CUBN: variants seen among roughly 807,000 people sequenced by gnomAD.
CUBN encodes cubilin.
CUBN carries 282 observed loss-of-function variants against 405.3 expected under a neutral mutation model. The observed-to-expected ratio is 0.70, with a 90% CI of 0.63 to 0.77. The LOEUF (loss-of-function observed/expected upper bound fraction) is 0.77. Among genes scored for constraint, CUBN ranks in the 30% least tolerant of loss-of-function variants. The pLI is 0.00. For synonymous variants in CUBN, 1,684 were observed against 1,617.0 expected (o/e 1.04, Z -0.99); for missense variants, 4,514 against 4,475.2 (o/e 1.01, Z -0.25).
chr10:16,886,989 T>C (rs1840839669), intron 56 of CUBN, among the ~76,000 whole-genome samples: 1 of 152,178 alleles, frequency 6.6e-6, no homozygotes, highest in South Asian at 2.1e-4. Flanking sequence ...GGTTTCTCCA[T>C]GTTGGTCAGG....
chr10:17,091,607 A>C (rs1024717115), intron 14 of CUBN, among the ~76,000 whole-genome samples: 14 of 152,332 alleles, frequency 9.2e-5, no homozygotes, highest in East Asian at 7.7e-4. Flanking sequence ...ACTGAACCTA[A>C]AGAATGCTAA....
rs184216049 is a variant in CUBN at position 16,972,678 on chromosome 10, G to A, written c.4695+9806C>T. 4.3e-3 allele frequency among the ~76,000 whole-genome samples: 648 copies of A among 151,646 alleles called. 6 individuals carry two copies. Among genetic ancestry groups the A allele is most frequent in the African/African-American group, 0.015 (614 of 41,362 alleles). ...TGAGCTCAAACAATTCTCCTGTCTC[G>A]GCCTCCCAAAGTGCTGGAATTACAG... is the stretch of plus-strand genomic sequence containing the variant. On this transcript the variant is annotated intron_variant, in intron 31 of 66. Coordinates refer to ENST00000377833, the MANE Select transcript of CUBN (RefSeq NM_001081.4).
chr10:17,074,846 G>A (rs1378747260), intron 17 of CUBN, among the ~76,000 whole-genome samples: 1 of 151,982 alleles, frequency 6.6e-6, no homozygotes, highest in Non-Finnish European at 1.5e-5. Flanking sequence ...TAAATATAAT[G>A]TGTCTAGTGG....
At chr10:16,911,332 G>A (rs550469397) in intron 48 of CUBN, among the ~76,000 whole-genome samples, 5 of 152,274 alleles carry the variant, frequency 3.3e-5, no homozygotes, top group African/African-American at 7.2e-5. Context: ...AAGCAAAAGC[G>A]TGACATACGT....
At chr10:17,089,317 T>TA (rs1836198482) in intron 14 of CUBN, among the ~76,000 whole-genome samples, 1 of 152,176 alleles carries the variant, frequency 6.6e-6, no homozygotes, top group South Asian at 2.1e-4. Context: ...CTTTAAAAGT[T>TA]ACCAGTTTTA....
chr10:17,088,187 C>T lies in CUBN; in HGVS notation c.1924G>A (p.Asp642Asn), dbSNP rs771587254. Residue 642 changes from aspartate to asparagine, a missense_variant, in exon 15 of 67, where the codon GAC becomes AAC. Physicochemically the swap from Asp to Asn is conservative, Grantham distance 23 (BLOSUM62 1). Coordinates refer to ENST00000377833, the MANE Select transcript of CUBN (RefSeq NM_001081.4). ...ACCTCAAGGTAATCTTTGTTGCAGTCATCATGGTGCTCGAGGCTCAAGGTC... is the reference window on the plus strand; with the variant it reads ...ACCTCAAGGTAATCTTTGTTGCAGTTATCATGGTGCTCGAGGCTCAAGGTC... ...FGTLSLEHHD[D>N]CNKDYLEIRD... The T allele has an allele frequency of 1.2e-6, 2 of 1,613,284 alleles. No individual in the cohort carries two copies. The highest frequency in any genetic ancestry group is 2.7e-5 in the African/African-American group (2 of 74,874).
Position 16,948,497 on chromosome 10 carries a change from C to T in CUBN, c.5190G>A (p.Thr1730=), listed in dbSNP as rs779056271. The change falls in exon 35 of 67, where the codon ACG becomes ACA. Residue 1730 remains threonine, a synonymous_variant. Coordinates refer to ENST00000377833, the MANE Select transcript of CUBN (RefSeq NM_001081.4). The part of the protein sequence containing the change: ...SSISAGGFHT[T]VTASVSACGG... ...TCTTACCCGACACTGATGCGGTGAC[C>T]GTGGTGTGGAAACCCCCAGCACTGA... 14 of 1,613,898 alleles carry T rather than the reference C, an allele frequency of 8.7e-6. No homozygotes were observed. In the East Asian group the frequency reaches 8.9e-5, roughly 10 times the overall value.
chr10:16,897,828 A>C (rs1286981688), intron 54 of CUBN, among the ~76,000 whole-genome samples: 1 of 152,038 alleles, frequency 6.6e-6, no homozygotes, highest in African/African-American at 2.4e-5. Flanking sequence ...AGGGTTCCTA[A>C]TACATCCCAC....
chr10:17,121,123 T>C (rs1837030919), intron 6 of CUBN, among the ~76,000 whole-genome samples: 1 of 152,168 alleles, frequency 6.6e-6, no homozygotes, highest in East Asian at 1.9e-4. Flanking sequence ...ATCAAAAAGC[T>C]CTTTAATAAC....
intron 17 of CUBN, among the ~76,000 whole-genome samples, chr10:17,079,866 A>C (rs1382450007): frequency 6.6e-6 from 1 of 152,144 alleles, no homozygotes; most frequent in African/African-American, 2.4e-5. Context: ...TCACAAAAGG[A>C]GGTCCTTTGT....
At position 17,084,522 on chromosome 10, in the gene CUBN, T is replaced by C. The variant is rs1836057878; in HGVS notation, c.2111-61A>G. On this transcript the variant is annotated intron_variant, in intron 16 of 66. Transcript: ENST00000377833. The stretch of plus-strand genomic sequence containing the variant: ...TGGCATTGCTCTGGCTTGCAGGCAT[T>C]GGATCCAATTTCTAAAAATTTACCC... The C allele has an allele frequency of 7.6e-6, 11 of 1,447,062 alleles. No individual in the cohort carries two copies. The South Asian group carries it at 1.1e-4, about 14-fold the overall frequency. The allele number at this position is 1,447,062 out of a possible 1,614,324, so 89.6% of individuals were successfully genotyped here.
chr10:17,116,086 T>A (rs182247433), intron 6 of CUBN, among the ~76,000 whole-genome samples: 2 of 152,340 alleles, frequency 1.3e-5, no homozygotes, highest in East Asian at 3.9e-4. Flanking sequence ...ATGATCATTA[T>A]TATTATCTTA....
At chr10:17,044,159 T>G (rs1012085363) in intron 25 of CUBN, among the ~76,000 whole-genome samples, 176 bp from the exon 26 acceptor site, 11 of 146,914 alleles carry the variant, frequency 7.5e-5, no homozygotes, top group Non-Finnish European at 1.3e-4. Flanking sequence ...TATAATATAT[T>G]TATAAAATAA....
At chr10:17,003,544 A>G (rs911567221) in intron 28 of CUBN, among the ~76,000 whole-genome samples, 4 of 152,202 alleles carry the variant, frequency 2.6e-5, no homozygotes, top group Non-Finnish European at 5.9e-5. Flanking sequence ...TTTTTCGTTC[A>G]ACAAAAGTTT....
intron 28 of CUBN, among the ~76,000 whole-genome samples, chr10:17,000,228 G>A (rs1041937657): frequency 5.9e-5 from 9 of 152,176 alleles, no homozygotes; most frequent in Admixed American, 1.3e-4. Context: ...TCTCCCTCTT[G>A]TAAGCGAGTT....
intron 13 of CUBN, among the ~76,000 whole-genome samples, chr10:17,100,961 C>A (rs1836481022): frequency 6.6e-6 from 1 of 152,128 alleles, no homozygotes; most frequent in South Asian, 2.1e-4. Flanking sequence ...ATACAGACTT[C>A]AAATATAGTA....
chr10:17,127,016 T>C (rs1444334747), intron 3 of CUBN, among the ~76,000 whole-genome samples: 1 of 152,182 alleles, frequency 6.6e-6, no homozygotes, highest in East Asian at 1.9e-4. Context: ...TTTTAAGTTT[T>C]TTTTTAAAGT....
chr10:16,891,067 A>G (rs1840990037), intron 54 of CUBN, among the ~76,000 whole-genome samples: 1 of 152,226 alleles, frequency 6.6e-6, no homozygotes, highest in Non-Finnish European at 1.5e-5. Context: ...CATTTTGATG[A>G]AAAGCTGACA....
intron 21 of CUBN, among the ~76,000 whole-genome samples, chr10:17,067,275 G>A (rs955809543): frequency 6.6e-6 from 1 of 151,972 alleles, no homozygotes; most frequent in Admixed American, 6.6e-5. Context: ...TTTTAAGCTA[G>A]AGAAAAAAAA....
Sources: allele counts gnomAD v4.1 joint callset (sites outside exome capture counted in the v4.1 genomes callset), GRCh38; gene constraint gnomAD v4.1.1; transcripts MANE v1.5; gene names NCBI Gene and HGNC (gene_info 2026-07-23, HGNC 2026-07-21).